Variants in CAPN7 observed in about 807,000 individuals in gnomAD.
CAPN7 encodes the protein calpain 7.
In CAPN7, 72 loss-of-function variants were observed where a neutral mutation model predicts 115.2. The observed-to-expected ratio is 0.63, with a 90% CI of 0.52 to 0.76. The LOEUF is 0.76. Ranked by LOEUF, CAPN7 falls within the 30% of genes least tolerant of loss-of-function variation. The pLI is 0.00. For missense variants in CAPN7, 905 were observed against 971.5 expected (o/e 0.93, Z 0.91); for synonymous variants, 344 against 322.3 (o/e 1.07, Z -0.72).
rs1695976733 is a variant in CAPN7, at chr3:15,251,021, T to C, written c.2295T>C (p.Tyr765=). 6.2e-7 allele frequency: 1 copy of C among 1,610,396 alleles called. No individual in the cohort carries two copies. The highest frequency in any genetic ancestry group is 8.5e-7 in the Non-Finnish European group (1 of 1,177,194). The change falls in exon 20 of 21, where the codon TAT becomes TAC. Residue 765 remains tyrosine (Y), a splice_region_variant and synonymous_variant. Transcript: ENST00000253693. ...HGFLRKSSGD[Y]RCGFCYLELE... is the part of the protein sequence containing the mutation. Reference sequence around the variant, plus strand: ...TTCTGAGGAAATCTAGTGGTGACTATAGGTAATGTTGGCATTTTTATTGTA... The same window carrying C: ...TTCTGAGGAAATCTAGTGGTGACTACAGGTAATGTTGGCATTTTTATTGTA...
At chr3:15,246,653 G>A (rs1016665749) in intron 17 of CAPN7, 79 bp from the exon 18 acceptor site, 3 of 1,032,174 alleles carry the variant, frequency 2.9e-6, no homozygotes, top group African/African-American at 1.6e-5. Context: ...GATTTTTTTA[G>A]TCTTCCAATA....
At position 15,230,465 on chromosome 3, in the gene CAPN7, A is replaced by T. The variant is rs1324100033; in HGVS notation, c.962A>T (p.Asp321Val). 2.7e-5 allele frequency: 44 copies of T among 1,612,226 alleles called. No homozygotes were observed. In the East Asian group the frequency reaches 9.6e-4, roughly 35 times the overall value. ...AGCATAATTTACCCTCAAAACAAGGATGGTGAACCAGAATACAATCCATGT... is the reference window on the plus strand; with the variant it reads ...AGCATAATTTACCCTCAAAACAAGGTTGGTGAACCAGAATACAATCCATGT... ...ITGIIYPQNKDGEPEYNPCGK... is the reference protein window; with the variant it reads ...ITGIIYPQNKVGEPEYNPCGK... The change falls in exon 9 of 21, where the codon GAT (aspartate) becomes GTT (valine). Residue 321 changes from aspartate to valine, a missense_variant. Asp to Val is a radical substitution (Grantham distance 152, BLOSUM62 -3). Transcript: ENST00000253693.
intron 6 of CAPN7, among the ~76,000 whole-genome samples, chr3:15,223,994 T>C (rs904596232): frequency 2.6e-5 from 4 of 152,228 alleles, no homozygotes; most frequent in Non-Finnish European, 5.9e-5. Context: ...TGGCAGCTTA[T>C]GTCAAGAGCT....
intron 1 of CAPN7, 99 bp from the exon 2 acceptor site, chr3:15,212,005 T>C (rs1211513180): frequency 1.9e-6 from 1 of 536,198 alleles, no homozygotes; most frequent in East Asian, 3.2e-5. Context: ...GACATTCTTG[T>C]TTTGTCATTC....
chr3:15,247,382 C>T lies in CAPN7; in HGVS notation c.2129C>T (p.Thr710Ile), dbSNP rs2125013168. ...GGAGGATGTGGAAATTTCCAAGAGA[C>T]TCACAAAAATAACCCCATCTACCAA... Reference protein sequence around the residue: ...SAGGCGNFQETHKNNPIYQFH... With the variant: ...SAGGCGNFQEIHKNNPIYQFH... Residue 710 changes from threonine to isoleucine, a missense_variant, in exon 19 of 21, where the codon ACT (threonine) becomes ATT (isoleucine). Transcript: ENST00000253693. The T allele has an allele frequency of 6.2e-7, 1 of 1,610,584 alleles. No individual in the cohort carries two copies. The highest frequency in any genetic ancestry group is 2.2e-5 in the East Asian group (1 of 44,664).
chr3:15,230,379 C>G, intron 8 of CAPN7, 63 bp from the exon 9 acceptor site: 1 of 1,038,626 alleles, frequency 9.6e-7, no homozygotes, highest in Non-Finnish European at 1.5e-6. Context: ...ATGAAATGTG[C>G]TGTATAGTAG....
At chr3:15,237,145 A>T (rs1695038499) in intron 12 of CAPN7, among the ~76,000 whole-genome samples, 1 of 152,170 alleles carries the variant, frequency 6.6e-6, no homozygotes, top group Non-Finnish European at 1.5e-5. Flanking sequence ...ATAAACTTTA[A>T]ATTTTTTTTA....
chr3:15,230,623 C>A, intron 9 of CAPN7, 88 bp downstream of exon 9: 1 of 783,982 alleles, frequency 1.3e-6, no homozygotes, highest in South Asian at 1.6e-5. Context: ...GAAATGTCAT[C>A]TGTTTGAACA....
chr3:15,212,981 C>T (rs529766879), intron 2 of CAPN7, among the ~76,000 whole-genome samples: 2 of 152,270 alleles, frequency 1.3e-5, no homozygotes, highest in South Asian at 2.1e-4. Context: ...TAGATTTAAT[C>T]ATTGGATTCC....
At chr3:15,237,463 A>G (rs1338446011) in intron 12 of CAPN7, among the ~76,000 whole-genome samples, 9 of 152,140 alleles carry the variant, frequency 5.9e-5, no homozygotes, top group Non-Finnish European at 1.0e-4. Flanking sequence ...GACAGTAGGG[A>G]CCTATTGCAC....
chr3:15,206,616 C>G lies in CAPN7; in HGVS notation c.102+19C>G. 1 of 1,531,786 alleles carries G rather than the reference C, an allele frequency of 6.5e-7. No homozygotes were observed. Among genetic ancestry groups the G allele is most frequent in the Non-Finnish European group, 8.8e-7 (1 of 1,135,046 alleles). 94.9% of individuals were successfully genotyped at this position (1,531,786 alleles called of 1,614,324 possible). On this transcript the variant is annotated intron_variant, in intron 1 of 20. Coordinates refer to ENST00000253693, the MANE Select transcript of CAPN7 (RefSeq NM_014296.3). ...TTACAAGGTAGGGCCGGGCCCGGCG[C>G]TTCGGTCGGAGTTGCTCAGTCGGAG...
intron 7 of CAPN7, 61 bp from the exon 8 acceptor site, chr3:15,228,913 A>T (rs887191203): frequency 8.1e-7 from 1 of 1,238,202 alleles, no homozygotes; most frequent in Non-Finnish European, 1.2e-6. Flanking sequence ...ATGTACGTAT[A>T]TTGCGGTAAT....
intron 16 of CAPN7, 148 bp from the exon 17 acceptor site, chr3:15,245,378 C>T: frequency 2.8e-6 from 2 of 708,606 alleles, no homozygotes; most frequent in East Asian, 2.9e-5. Flanking sequence ...AAGTTTTCAA[C>T]TGAAATTATA....
At chr3:15,241,354 C>A in intron 14 of CAPN7, 99 bp from the exon 15 acceptor site, 3 of 1,288,278 alleles carry the variant, frequency 2.3e-6, no homozygotes, top group Non-Finnish European at 2.1e-6. Context: ...AAAACAAAAC[C>A]AAAAACTTGG....
chr3:15,229,561 CTTTTTTTTTTTT>C (rs566957976), intron 8 of CAPN7, among the ~76,000 whole-genome samples: 1,027 of 87,894 alleles, frequency 0.012, 15 homozygotes, highest in African/African-American at 0.034. Flanking sequence ...TACTTTTTTT[CTTTTTTTTTTTT>C]TTTTTTTTTT....
intron 1 of CAPN7, among the ~76,000 whole-genome samples, chr3:15,210,385 A>T (rs984374873): frequency 3.3e-5 from 5 of 152,158 alleles, no homozygotes; most frequent in African/African-American, 1.2e-4. Context: ...TATCAAAAAC[A>T]TTCCGTTTAT....
intron 7 of CAPN7, among the ~76,000 whole-genome samples, chr3:15,228,716 TAGG>T (rs1320762542): frequency 6.6e-6 from 1 of 152,010 alleles, no homozygotes; most frequent in Non-Finnish European, 1.5e-5. Context: ...GCGTGGAGGA[TAGG>T]AGGAGGGAGA....
rs2124993170 is a variant in CAPN7 at position 15,240,632 on chromosome 3, T to G, written c.1552+15T>G. On this transcript the variant is annotated intron_variant, in intron 13 of 20. Coordinates refer to ENST00000253693, the MANE Select transcript of CAPN7 (RefSeq NM_014296.3). ...AATAGACAACGGTAAATATATCTTT[T>G]TAATTTTAATACCATTTATTCTTCA... 6.3e-7 allele frequency: 1 copy of G among 1,579,050 alleles called. No homozygotes were observed. Among genetic ancestry groups the G allele is most frequent in the South Asian group, 1.2e-5 (1 of 84,806 alleles).
In CAPN7 at chr3:15,251,199, A is replaced by G; in HGVS notation, c.2381A>G (p.Glu794Gly). The change falls in exon 21 of 21, where the codon GAA becomes GGA. Residue 794 changes from glutamate to glycine, a missense_variant. Glu to Gly is a moderately conservative substitution (Grantham distance 98, BLOSUM62 -2). Around this residue, in one of 3 missense-constraint regions of CAPN7, gnomAD observed 620 missense variants for 703.4 expected, o/e 0.88. Transcript: ENST00000253693. ...IIPSTFLPKQEGPFFLDFNSI... is the reference protein window; with the variant it reads ...IIPSTFLPKQGGPFFLDFNSI... ...CCTAGTACCTTTTTGCCTAAACAAG[A>G]AGGACCTTTTTTCTTGGACTTTAAT... 1 of 1,610,898 alleles carries G rather than the reference A, an allele frequency of 6.2e-7. No homozygotes were observed. Among genetic ancestry groups the G allele is most frequent in the South Asian group, 1.1e-5 (1 of 90,398 alleles).
Sources: allele counts gnomAD v4.1 joint callset (sites outside exome capture counted in the v4.1 genomes callset), GRCh38; gene constraint gnomAD v4.1.1; regional missense constraint gnomAD v4.1.1; transcripts MANE v1.5; gene names NCBI Gene and HGNC (gene_info 2026-07-23, HGNC 2026-07-21).